The following SYNE2 variants were observed in gnomAD, a reference collection of about 807,000 sequenced individuals.
The protein encoded by SYNE2 is spectrin repeat containing nuclear envelope protein 2.
In SYNE2, 431 loss-of-function variants were observed where a neutral mutation model predicts 856.3. The ratio of observed to expected loss-of-function variants is 0.50; its 90% confidence interval spans 0.47 to 0.55. SYNE2 has a LOEUF of 0.55. Among genes scored for constraint, SYNE2 ranks in the 20% least tolerant of loss-of-function variants. The pLI is 0.00. For synonymous variants in SYNE2, 2,923 were observed against 2,872.3 expected, an observed-to-expected ratio of 1.02 and a Z score of -0.56; for missense variants, 8,129 against 8,023.2, an observed-to-expected ratio of 1.01 and a Z score of -0.50.
intron 1 of SYNE2, among the ~76,000 whole-genome samples, chr14:63,855,714 T>C (rs200306004): frequency 3.9e-5 from 6 of 152,362 alleles, no homozygotes; most frequent in East Asian, 1.9e-4. Flanking sequence ...GTAGCACTTA[T>C]GGCTATATCA....
intron 1 of SYNE2, among the ~76,000 whole-genome samples, chr14:63,904,755 C>A (rs2095386460): frequency 6.6e-6 from 1 of 152,186 alleles, no homozygotes; most frequent in South Asian, 2.1e-4. Context: ...TTCTTCCATT[C>A]TGTAGGTTGT....
At chr14:63,771,113 A>C (rs1595094652) in intron 1 of SYNE2, among the ~76,000 whole-genome samples, 1 of 127,492 alleles carries the variant, frequency 7.8e-6, no homozygotes, top group Non-Finnish European at 1.5e-5. Flanking sequence ...TCTGTGGCCC[A>C]GGCGGGAGCG....
At chr14:63,852,353 A>C (rs528686933), upstream of SYNE2, among the ~76,000 whole-genome samples, 1 of 152,144 alleles carries the variant, frequency 6.6e-6, no homozygotes, top group Non-Finnish European at 1.5e-5. Flanking sequence ...TGCAAGACGC[A>C]GTTCCAAGGA....
intron 65 of SYNE2, among the ~76,000 whole-genome samples, chr14:64,111,999 T>C (rs890055828): frequency 6.6e-6 from 1 of 152,130 alleles, no homozygotes; most frequent in Non-Finnish European, 1.5e-5. Flanking sequence ...AAACAGCACA[T>C]GTATGTGAAG....
In SYNE2 at chr14:64,052,839, G is replaced by T; in HGVS notation, c.8926G>T (p.Gly2976Cys). Residue 2976 changes from glycine to cysteine, a missense_variant, in exon 48 of 116, where the codon GGT becomes TGT. By Grantham distance (159) the Gly-to-Cys change is radical. Coordinates refer to ENST00000555002, the MANE Select transcript of SYNE2 (RefSeq NM_182914.3). Reference protein sequence around the residue: ...ELLLNQEVNKGVKEEIYNLKD... With the variant: ...ELLLNQEVNKCVKEEIYNLKD... ...ATTACTTAATCAAGAAGTAAATAAA[G>T]GTGTTAAAGAGGAGATCTATAATCT... 1.2e-6 allele frequency: 2 copies of T among 1,613,610 alleles called. No individual in the cohort carries two copies. Among genetic ancestry groups the T allele is most frequent in the South Asian group, 1.1e-5 (1 of 90,794 alleles).
At chr14:63,857,943 G>A (rs1892301354) in intron 1 of SYNE2, among the ~76,000 whole-genome samples, 1 of 152,034 alleles carries the variant, frequency 6.6e-6, no homozygotes, top group South Asian at 2.1e-4. Flanking sequence ...ACCATAGATT[G>A]GGTAATTTAT....
At chr14:63,761,883 A>AGCG (rs1566550283), upstream of SYNE2, 1 of 219,042 alleles carries the variant, frequency 4.6e-6, no homozygotes, top group Non-Finnish European at 9.6e-6. Context: ...AACCAGCCCG[A>AGCG]GCGGCGGCGG....
At chr14:64,163,671 C>T (rs993851345) in intron 89 of SYNE2, 90 bp downstream of exon 89, 56 of 1,474,348 alleles carry the variant, frequency 3.8e-5, no homozygotes, top group Non-Finnish European at 4.7e-5. Flanking sequence ...TAGTGCTTTA[C>T]GGGCTGCTCC....
chr14:63,838,780 A>G (rs1218088817), intron 1 of SYNE2, among the ~76,000 whole-genome samples: 1 of 152,136 alleles, frequency 6.6e-6, no homozygotes, highest in Non-Finnish European at 1.5e-5. Context: ...AAGTGCTGGG[A>G]TTACAGGTGT....
intron 1 of SYNE2, among the ~76,000 whole-genome samples, chr14:63,786,446 C>T (rs1887530934): frequency 6.6e-6 from 1 of 152,178 alleles, no homozygotes. Context: ...TCCCTTCTTC[C>T]ACCCATTACT....
chr14:64,107,414 T>G, intron 64 of SYNE2, 77 bp from the exon 65 acceptor site: 3 of 1,294,058 alleles, frequency 2.3e-6, no homozygotes, highest in Non-Finnish European at 2.2e-6. Flanking sequence ...GTTTGTAAAA[T>G]GAGCATGCGC....
intron 52 of SYNE2, among the ~76,000 whole-genome samples, chr14:64,071,874 C>T (rs533240394): frequency 5.9e-5 from 9 of 152,164 alleles, no homozygotes; most frequent in South Asian, 2.1e-4. Context: ...AAAAATTAGC[C>T]GGGCATGGTG....
Position 64,130,228 on chromosome 14 carries a change from G to A in SYNE2, c.14320G>A (p.Ala4774Thr), listed in dbSNP as rs768544317. 6.2e-7 allele frequency: 1 copy of A among 1,612,912 alleles called. No individual in the cohort carries two copies. The highest frequency in any genetic ancestry group is 8.5e-7 in the Non-Finnish European group (1 of 1,179,458). The change falls in exon 76 of 116, where the codon GCT (alanine) becomes ACT (threonine). Residue 4774 changes from alanine (A) to threonine (T), a missense_variant. Ala to Thr is a moderately conservative substitution (Grantham distance 58). Around this residue, in one of 3 missense-constraint regions of SYNE2, gnomAD observed 5,410 missense variants for 5,284.8 expected, o/e 1.02. Coordinates refer to ENST00000555002, the MANE Select transcript of SYNE2 (RefSeq NM_182914.3). ...KQTKSKVALQ[A>T]QIENHKVFFQ... ...AACCAAAAGTAAAGTGGCGTTACAG[G>A]CTCAAATAGAAAATCACAAGGTGAG...
chr14:64,199,713 CAAAAAA>C (rs34710996), intron 99 of SYNE2, among the ~76,000 whole-genome samples: 1 of 66,060 alleles, frequency 1.5e-5, no homozygotes, highest in Admixed American at 1.7e-4. Context: ...GACTCTGTCT[CAAAAAA>C]AAAAAAAAAA....
At chr14:64,065,287 T>C (rs1595257225) in intron 50 of SYNE2, 145 bp from the exon 51 acceptor site, 5 of 747,498 alleles carry the variant, frequency 6.7e-6, no homozygotes, top group African/African-American at 3.5e-5. Context: ...CTGGTCTATA[T>C]TGACTTCTAA....
chr14:63,902,415 A>G (rs922062584), intron 1 of SYNE2, among the ~76,000 whole-genome samples: 10 of 151,638 alleles, frequency 6.6e-5, no homozygotes, highest in Non-Finnish European at 2.9e-5. Flanking sequence ...CTCAAAAAAA[A>G]AAAAAAAAAA....
chr14:64,048,088 A>G lies in SYNE2; in HGVS notation c.7310A>G (p.Asn2437Ser), dbSNP rs373880647. The part of the protein sequence containing the change: ...MKNTEDERKV[N>S]ELQNQPLELD... ...AACACTGAAGATGAGCGGAAAGTCAATGAGCTGCAAAATCAACCTTTAGAA... is the reference window on the plus strand; with the variant it reads ...AACACTGAAGATGAGCGGAAAGTCAGTGAGCTGCAAAATCAACCTTTAGAA... The change falls in exon 46 of 116, where the codon AAT becomes AGT. Residue 2437 changes from asparagine (N) to serine (S), a missense_variant. Asn to Ser is a conservative substitution (Grantham distance 46). Around this residue, in one of 3 missense-constraint regions of SYNE2, gnomAD observed 5,410 missense variants for 5,284.8 expected, o/e 1.02. Coordinates refer to ENST00000555002, the MANE Select transcript of SYNE2 (RefSeq NM_182914.3). 3.0e-5 allele frequency: 49 copies of G among 1,613,688 alleles called. No individual in the cohort carries two copies. The African/African-American group carries it at 3.3e-4, about 11-fold the overall frequency.
chr14:64,056,473 C>CTT (rs373743691), intron 49 of SYNE2, among the ~76,000 whole-genome samples: 103 of 142,990 alleles, frequency 7.2e-4, no homozygotes, highest in Middle Eastern at 3.6e-3. Context: ...TGTATTTCTT[C>CTT]TTTTTTTTTT....
chr14:64,222,211 A>G (rs1364169228), intron 112 of SYNE2, among the ~76,000 whole-genome samples: 1 of 152,214 alleles, frequency 6.6e-6, no homozygotes, highest in Non-Finnish European at 1.5e-5. Context: ...TATGTGGTTT[A>G]AATATTTTAA....
Sources: allele counts gnomAD v4.1 joint callset (sites outside exome capture counted in the v4.1 genomes callset), GRCh38; gene constraint gnomAD v4.1.1; regional missense constraint gnomAD v4.1.1; transcripts MANE v1.5; gene names NCBI Gene and HGNC (gene_info 2026-07-23, HGNC 2026-07-21).